IRX4: variants seen among roughly 807,000 people sequenced by gnomAD.
IRX4 encodes iroquois-class homeodomain protein IRX-4.
A neutral mutation model predicts 32.0 loss-of-function variants in IRX4; 22 were observed. That is an observed-to-expected ratio of 0.69 (90% CI 0.49 to 0.98). The LOEUF (loss-of-function observed/expected upper bound fraction) is 0.98, where lower values mean the gene tolerates loss of function less well. Among genes scored for constraint, IRX4 ranks in the 50% least tolerant of loss-of-function variants. IRX4 has a pLI of 0.00. For synonymous variants in IRX4, 379 were observed against 351.7 expected (o/e 1.08, Z -0.87); for missense variants, 840 against 744.2 (o/e 1.13, Z -1.50).
intron 1 of IRX4, 56 bp downstream of exon 1, chr5:1,882,547 C>T: frequency 1.4e-6 from 2 of 1,431,882 alleles, no homozygotes; most frequent in African/African-American, 1.5e-5. Context: ...CCCGTCCCCG[C>T]CCCATCCGCC....
upstream of IRX4, among the ~76,000 whole-genome samples, chr5:1,885,095 C>A (rs943941652): frequency 2.0e-5 from 3 of 152,160 alleles, no homozygotes; most frequent in Non-Finnish European, 2.9e-5. Flanking sequence ...AGCACTCCGC[C>A]GGCTGAGGGG....
chr5:1,883,025 C>T (rs1376736168), upstream of IRX4, among the ~76,000 whole-genome samples: 1 of 152,062 alleles, frequency 6.6e-6, no homozygotes. Context: ...CCTCGCGCAG[C>T]CCGGCCTGGC....
chr5:1,884,391 T>C (rs1453625689), upstream of IRX4: 1 of 152,366 alleles, frequency 6.6e-6, no homozygotes, highest in Non-Finnish European at 1.5e-5. Flanking sequence ...CCTGCTCTTT[T>C]GACAGCTCGG....
rs1330047986 is a variant in IRX4 at position 1,882,726 on chromosome 5, C to G, written c.-79G>C. On this transcript the variant is annotated 5_prime_UTR_variant, in exon 1 of 5. Transcript: ENST00000231357. Reference sequence around the variant, plus strand: ...GGCCGGCGTGGCGCGGCCACTGCTCCGGAGCTGCAGGCTTCTAGGCGCTGG... The same window carrying G: ...GGCCGGCGTGGCGCGGCCACTGCTCGGGAGCTGCAGGCTTCTAGGCGCTGG... 2 of 937,346 alleles carry G rather than the reference C, an allele frequency of 2.1e-6. No homozygotes were observed. The highest frequency in any genetic ancestry group is 1.5e-6 in the Non-Finnish European group (1 of 682,166). 58.1% of individuals were successfully genotyped at this position (937,346 alleles called of 1,614,324 possible).
Position 1,877,891 on chromosome 5 carries a change from C to A in IRX4, c.*78G>T. ...GCTTCGCGGTGGCCGCGCTAGTCTTCCTCTGGAAACTCAGTGAAAAGAGTC... is the reference window on the plus strand; with the variant it reads ...GCTTCGCGGTGGCCGCGCTAGTCTTACTCTGGAAACTCAGTGAAAAGAGTC... On this transcript the variant is annotated 3_prime_UTR_variant, in exon 5 of 5. Transcript: ENST00000231357. The A allele has an allele frequency of 7.5e-7, 1 of 1,332,094 alleles. No individual in the cohort carries two copies. Among genetic ancestry groups the A allele is most frequent in the Non-Finnish European group, 1.0e-6 (1 of 981,894 alleles). 82.5% of individuals were successfully genotyped at this position (1,332,094 alleles called of 1,614,324 possible).
Position 1,879,898 on chromosome 5 carries a change from G to T in IRX4, c.408-66C>A, listed in dbSNP as rs769675012. On this transcript the variant is annotated intron_variant, in intron 3 of 4. Transcript: ENST00000231357. ...GGGCCCCAGGCATCATGGGCATAGGGGTGGGGGTCGGCCAGGGGCATGCCA... is the reference window on the plus strand; with the variant it reads ...GGGCCCCAGGCATCATGGGCATAGGTGTGGGGGTCGGCCAGGGGCATGCCA... 8 of 1,596,074 alleles carry T rather than the reference G, an allele frequency of 5.0e-6. No homozygotes were observed. In the East Asian group the frequency reaches 1.8e-4, roughly 36 times the overall value.
intron 1 of IRX4, 36 bp from the exon 2 acceptor site, chr5:1,882,095 G>A (rs1408401929): frequency 2.0e-6 from 3 of 1,536,594 alleles, no homozygotes; most frequent in East Asian, 2.5e-5. Context: ...GCGGGAAGCC[G>A]GGCTGGAGGC....
chr5:1,879,354 A>G (rs949704555), intron 4 of IRX4, 150 bp downstream of exon 4: 2 of 1,272,966 alleles, frequency 1.6e-6, no homozygotes, highest in Non-Finnish European at 2.2e-6. Flanking sequence ...CAGTCCCCAC[A>G]TTGGTAGCCT....
At chr5:1,879,910 C>T in intron 3 of IRX4, 78 bp from the exon 4 acceptor site, 1 of 1,584,390 alleles carries the variant, frequency 6.3e-7, no homozygotes, top group Non-Finnish European at 8.5e-7. Flanking sequence ...TGGGGGTCGG[C>T]CAGGGGCATG....
intron 1 of IRX4, 66 bp downstream of exon 1, chr5:1,882,537 C>G: frequency 7.3e-7 from 1 of 1,365,210 alleles, no homozygotes; most frequent in South Asian, 1.3e-5. Flanking sequence ...CTCCCCACCC[C>G]CCGTCCCCGC....
chr5:1,883,317 CA>C (rs1238123781), upstream of IRX4, among the ~76,000 whole-genome samples: 3 of 152,230 alleles, frequency 2.0e-5, no homozygotes, highest in Admixed American at 2.0e-4. Context: ...ATGTAATCAA[CA>C]GTTAAAATTA....
chr5:1,881,661 G>A (rs1735443821), intron 2 of IRX4, 147 bp downstream of exon 2: 1 of 986,766 alleles, frequency 1.0e-6, no homozygotes, highest in Admixed American at 2.4e-5. Flanking sequence ...GGTCTCGGCT[G>A]GGAGGCGCAA....
At chr5:1,886,064 C>A (rs1396764599), upstream of IRX4, among the ~76,000 whole-genome samples, 2 of 152,382 alleles carry the variant, frequency 1.3e-5, 1 homozygote, top group South Asian at 4.1e-4. Context: ...CGGAGCAGGC[C>A]GCAGGGGAGG....
rs1735459348 is a variant in IRX4 at position 1,881,949 on chromosome 5, G to A, written c.156C>T (p.Tyr52=). The part of the protein sequence containing the change: ...SAQAPVYCPV[Y]ESRLLATARH... Reference sequence around the variant, plus strand: ...GCGCGGTGGCCAGCAGCCGGCTCTCGTAGACCGGGCAGTAGACCGGCGCCT... The same window carrying A: ...GCGCGGTGGCCAGCAGCCGGCTCTCATAGACCGGGCAGTAGACCGGCGCCT... Residue 52 remains tyrosine, a synonymous_variant, in exon 2 of 5, where the codon TAC becomes TAT. Coordinates refer to ENST00000231357, the MANE Select transcript of IRX4 (RefSeq NM_016358.3). The A allele has an allele frequency of 2.6e-6, 4 of 1,567,106 alleles. No homozygotes were observed. The highest frequency in any genetic ancestry group is 3.5e-6 in the Non-Finnish European group (4 of 1,156,680).
At chr5:1,881,161 G>A in intron 2 of IRX4, 1 of 405,998 alleles carries the variant, frequency 2.5e-6, no homozygotes, top group Non-Finnish European at 4.6e-6. Flanking sequence ...GGCAATAGGG[G>A]GCAGCTGGGA....
Position 1,882,665 on chromosome 5 carries a change from G to A in IRX4, c.-18C>T. 1 of 1,379,480 alleles carries A rather than the reference G, an allele frequency of 7.2e-7. No individual in the cohort carries two copies. Among genetic ancestry groups the A allele is most frequent in the Non-Finnish European group, 9.4e-7 (1 of 1,064,552 alleles). The allele number at this position is 1,379,480 out of a possible 1,614,324, so 85.5% of individuals were successfully genotyped here. A position where few individuals can be genotyped will look rare whatever the true frequency, so the allele number is the denominator to read the frequency against. On this transcript the variant is annotated 5_prime_UTR_variant, in exon 1 of 5. Transcript: ENST00000231357. ...TAGGACATGGCGGGCGCGGCCCGGG[G>A]CGGACGGGCGGGGCCTGCAGGGTTC...
At position 1,878,257 on chromosome 5, in the gene IRX4, C is replaced by T. The variant is rs1474732993; in HGVS notation, c.1272G>A (p.Leu424=). Residue 424 remains leucine (L), a synonymous_variant, in exon 5 of 5, where the codon CTG becomes CTA. Coordinates refer to ENST00000231357, the MANE Select transcript of IRX4 (RefSeq NM_016358.3). ...TTACCGGGGAGTCCTGGTGCCTGTC[C>T]AGGGCGCCAGAGTGGGGAAGGGCCA... is the stretch of plus-strand genomic sequence containing the variant. ...PSVALPHSGA[L]DRHQDSPVTS... is the part of the protein sequence containing the mutation. 6 of 1,602,842 alleles carry T rather than the reference C, an allele frequency of 3.7e-6. No individual in the cohort carries two copies. The highest frequency in any genetic ancestry group is 1.7e-5 in the Admixed American group (1 of 58,830).
At position 1,878,338 on chromosome 5, in the gene IRX4, G is replaced by A; in HGVS notation, c.1191C>T (p.Arg397=). Residue 397 remains arginine (R), a synonymous_variant, in exon 5 of 5, where the codon CGC becomes CGT. Transcript: ENST00000231357. ...CAGCCGCAGGGGCCGCGGGACCTTG[G>A]CGCTTGAGCATGCACGACGGAAACT... ...QTEFPSCMLK[R]QGPAAPAAVS... The A allele has an allele frequency of 3.2e-6, 5 of 1,549,338 alleles. No homozygotes were observed. Among genetic ancestry groups the A allele is most frequent in the South Asian group, 1.2e-5 (1 of 84,296 alleles).
intron 4 of IRX4, among the ~76,000 whole-genome samples, chr5:1,879,208 G>T (rs1689718): frequency 0.53 from 80,903 of 151,682 alleles, 21,870 homozygotes; most frequent in East Asian, 0.65. Flanking sequence ...AGCCAGGATG[G>T]TCTCAATCTC....
Sources: allele counts gnomAD v4.1 joint callset (sites outside exome capture counted in the v4.1 genomes callset), GRCh38; gene constraint gnomAD v4.1.1; transcripts MANE v1.5; gene names NCBI Gene and HGNC (gene_info 2026-07-23, HGNC 2026-07-21).